Variants in RGS7 observed in about 807,000 individuals in gnomAD.
The protein encoded by RGS7 is regulator of G-protein signaling 7.
RGS7 carries 27 observed loss-of-function variants against 81.1 expected under a neutral mutation model. The observed-to-expected ratio is 0.33, with a 90% CI of 0.25 to 0.46. RGS7 has a LOEUF of 0.46. Among genes scored for constraint, RGS7 ranks in the 20% least tolerant of loss-of-function variants. The probability of loss-of-function intolerance (pLI) is 1.00; values close to 1 mark genes in which losing one functional copy is unlikely to be tolerated. For missense variants in RGS7, 396 were observed against 607.4 expected (o/e 0.65, Z 3.66); for synonymous variants, 208 against 207.7 (o/e 1.00, Z -0.01).
intron 2 of RGS7, among the ~76,000 whole-genome samples, chr1:241,337,335 T>C (rs1303938428): frequency 6.6e-6 from 1 of 152,246 alleles, no homozygotes; most frequent in Middle Eastern, 3.4e-3. Context: ...CAACCAGAAG[T>C]TGAACAATCA....
chr1:241,138,503 G>A (rs913994365), intron 2 of RGS7, among the ~76,000 whole-genome samples: 5 of 152,116 alleles, frequency 3.3e-5, no homozygotes, highest in Admixed American at 6.5e-5. Context: ...CTCAGGGGGA[G>A]TCCACTGCAC....
At chr1:241,289,574 C>A (rs2078989254) in intron 2 of RGS7, among the ~76,000 whole-genome samples, 4 of 152,156 alleles carry the variant, frequency 2.6e-5, no homozygotes. Context: ...ACGGAACTTC[C>A]AATTCTATAA....
chr1:241,253,084 A>G (rs1450384980), intron 2 of RGS7, among the ~76,000 whole-genome samples: 2 of 152,242 alleles, frequency 1.3e-5, no homozygotes, highest in Non-Finnish European at 2.9e-5. Flanking sequence ...CCACATATCA[A>G]CTATCAAGAA....
chr1:240,805,375 A>AAAAAT (rs71784510), intron 15 of RGS7, among the ~76,000 whole-genome samples: 15 of 150,434 alleles, frequency 1.0e-4, no homozygotes, highest in Non-Finnish European at 2.1e-4. Context: ...ACTTGTTTCC[A>AAAAAT]AAAATAAAAT....
At chr1:240,948,723 A>T (rs982263811) in intron 4 of RGS7, among the ~76,000 whole-genome samples, 5 of 151,988 alleles carry the variant, frequency 3.3e-5, no homozygotes, top group Non-Finnish European at 5.9e-5. Flanking sequence ...GATTACAGGC[A>T]TTAGCCACCA....
intron 2 of RGS7, among the ~76,000 whole-genome samples, chr1:241,099,537 C>G (rs1307701308): frequency 6.6e-6 from 1 of 152,212 alleles, no homozygotes; most frequent in African/African-American, 2.4e-5. Flanking sequence ...TTAGTACACT[C>G]TCTTTTACTT....
intron 6 of RGS7, among the ~76,000 whole-genome samples, chr1:240,910,907 A>G (rs1172476233): frequency 6.6e-6 from 1 of 151,908 alleles, no homozygotes; most frequent in African/African-American, 2.4e-5. Context: ...TTTAGTAGAG[A>G]TGGGGTTTCT....
At chr1:241,204,374 G>A (rs1043111445) in intron 2 of RGS7, among the ~76,000 whole-genome samples, 2 of 152,190 alleles carry the variant, frequency 1.3e-5, no homozygotes, top group Non-Finnish European at 2.9e-5. Context: ...ATGGGCTGCA[G>A]GGGGTGGATA....
chr1:241,142,923 T>C (rs1297835700), intron 2 of RGS7, among the ~76,000 whole-genome samples: 1 of 152,244 alleles, frequency 6.6e-6, no homozygotes, highest in Non-Finnish European at 1.5e-5. Context: ...ATCTCTTGAA[T>C]GGTTTGCTAC....
chr1:241,063,844 A>C (rs899677601), intron 3 of RGS7, among the ~76,000 whole-genome samples: 1 of 152,178 alleles, frequency 6.6e-6, no homozygotes, highest in African/African-American at 2.4e-5. Flanking sequence ...TGTATTGAAG[A>C]ATGTAGAGGA....
At chr1:241,140,528 T>C (rs1188611753) in intron 2 of RGS7, among the ~76,000 whole-genome samples, 1 of 152,156 alleles carries the variant, frequency 6.6e-6, no homozygotes, top group Non-Finnish European at 1.5e-5. Flanking sequence ...CTTGGCCTGC[T>C]GAGTAGCTAG....
intron 2 of RGS7, among the ~76,000 whole-genome samples, chr1:241,313,638 T>C (rs2080685899): frequency 6.6e-6 from 1 of 152,206 alleles, no homozygotes; most frequent in Non-Finnish European, 1.5e-5. Flanking sequence ...TCTTACAAGT[T>C]AAAAACAAAA....
At chr1:241,252,200 C>T (rs1306989925) in intron 2 of RGS7, among the ~76,000 whole-genome samples, 3 of 152,034 alleles carry the variant, frequency 2.0e-5, no homozygotes, top group Non-Finnish European at 2.9e-5. Flanking sequence ...CCCACCACCA[C>T]TCCTGGCTAA....
chr1:241,275,931 G>GACTC (rs1175586325), intron 2 of RGS7, among the ~76,000 whole-genome samples: 1 of 152,214 alleles, frequency 6.6e-6, no homozygotes, highest in Admixed American at 6.5e-5. Context: ...TTCTGATGAA[G>GACTC]ACTCAGTCAT....
chr1:241,034,910 A>C (rs932860934), intron 3 of RGS7, among the ~76,000 whole-genome samples: 2 of 152,190 alleles, frequency 1.3e-5, no homozygotes, highest in African/African-American at 2.4e-5. Context: ...AGCAAAACTT[A>C]TTTAGGAAGT....
intron 2 of RGS7, among the ~76,000 whole-genome samples, chr1:241,191,819 T>G (rs931453880): frequency 1.3e-5 from 2 of 152,242 alleles, no homozygotes; most frequent in African/African-American, 4.8e-5. Flanking sequence ...GTTGGTTTAC[T>G]TGTAATTTGT....
intron 2 of RGS7, among the ~76,000 whole-genome samples, chr1:241,304,647 C>T (rs961383435): frequency 1.3e-5 from 2 of 152,092 alleles, no homozygotes; most frequent in Admixed American, 1.3e-4. Flanking sequence ...CTTGTCTTAA[C>T]AAAGCTCTGA....
At chr1:241,022,016 C>T (rs1197540265) in intron 3 of RGS7, among the ~76,000 whole-genome samples, 2 of 152,062 alleles carry the variant, frequency 1.3e-5, no homozygotes, top group African/African-American at 4.8e-5. Context: ...TTTAGCTGTG[C>T]GGTTAAGACA....
At chr1:241,221,975 G>A (rs1050544157) in intron 2 of RGS7, among the ~76,000 whole-genome samples, 5 of 151,806 alleles carry the variant, frequency 3.3e-5, no homozygotes, top group South Asian at 2.1e-4. Flanking sequence ...AGACATACCC[G>A]TATTCTATTG....
Sources: gnomAD v4.1 joint callset for allele counts (sites outside exome capture counted in the v4.1 genomes callset) on GRCh38, gnomAD v4.1.1 for gene constraint, MANE v1.5 for transcripts, NCBI Gene and HGNC (gene_info 2026-07-23, HGNC 2026-07-21) for gene names.